Variants in NKAIN2 observed in about 807,000 individuals in gnomAD.
The protein encoded by NKAIN2 is sodium/potassium transporting ATPase interacting 2.
In NKAIN2, 14 loss-of-function variants were observed where a neutral mutation model predicts 32.6. The ratio of observed to expected loss-of-function variants is 0.43; its 90% CI spans 0.28 to 0.67. NKAIN2 has a LOEUF of 0.67. NKAIN2 is among the 30% of genes least tolerant of loss of function. The pLI is 0.17. For synonymous variants in NKAIN2, 80 were observed against 87.2 expected, an observed-to-expected ratio of 0.92 and a Z score of 0.46; for missense variants, 198 against 258.3, an observed-to-expected ratio of 0.77 and a Z score of 1.60.
intron 3 of NKAIN2, among the ~76,000 whole-genome samples, chr6:124,421,087 A>AC (rs1414106715): frequency 6.6e-6 from 1 of 151,584 alleles, no homozygotes; most frequent in Non-Finnish European, 1.5e-5. Flanking sequence ...AAAAAAAAAA[A>AC]AAAAAAACAT....
At chr6:124,714,556 G>A (rs1170985503) in intron 4 of NKAIN2, among the ~76,000 whole-genome samples, 1 of 152,154 alleles carries the variant, frequency 6.6e-6, no homozygotes, top group Non-Finnish European at 1.5e-5. Flanking sequence ...TTTGTGTGTG[G>A]CAGAGTCCTA....
chr6:124,698,662 T>C (rs1034654365), intron 4 of NKAIN2, among the ~76,000 whole-genome samples: 5 of 152,232 alleles, frequency 3.3e-5, no homozygotes, highest in Non-Finnish European at 7.3e-5. Flanking sequence ...CTGTCATTCC[T>C]ATGCCATAAT....
intron 4 of NKAIN2, among the ~76,000 whole-genome samples, chr6:124,687,777 CACACAT>C (rs908896228): frequency 2.1e-5 from 3 of 144,806 alleles, no homozygotes; most frequent in Non-Finnish European, 4.5e-5. Context: ...CACACACACA[CACACAT>C]ACTGTTCTAT....
In NKAIN2 at chr6:124,032,273, AG is replaced by A. The variant is rs1334667341; in HGVS notation, c.54+228025del. Among the ~76,000 whole-genome samples the A allele has an allele frequency of 4.3e-5, 3 of 70,514 alleles. 1 individual carries two copies. Among genetic ancestry groups the A allele is most frequent in the African/African-American group, 5.8e-5 (1 of 17,354 alleles). The allele number at this position is 70,514 out of a possible 152,430, so 46.3% of individuals were successfully genotyped here. ...CTGGGGTCTGTCGTGGGGTGGGGGG[AG>A]GGGGGAGGGATAGCATTAGGAGATA... On this transcript the variant is annotated intron_variant, in intron 1 of 6. Transcript: ENST00000368417.
At chr6:124,792,974 A>C (rs577105145) in intron 5 of NKAIN2, among the ~76,000 whole-genome samples, 4 of 152,142 alleles carry the variant, frequency 2.6e-5, no homozygotes, top group Admixed American at 6.6e-5. Context: ...AAAATACATT[A>C]GCATCATTAT....
At chr6:124,676,303 G>A (rs1773353260) in intron 4 of NKAIN2, among the ~76,000 whole-genome samples, 1 of 152,106 alleles carries the variant, frequency 6.6e-6, no homozygotes, top group African/African-American at 2.4e-5. Flanking sequence ...TTCTGCTGCT[G>A]TTGGACAGAA....
In NKAIN2 at chr6:124,081,459, T is replaced by C. The variant is rs547561195; in HGVS notation, c.55-201546T>C. On this transcript the variant is annotated intron_variant, in intron 1 of 6. Coordinates refer to ENST00000368417, the MANE Select transcript of NKAIN2 (RefSeq NM_001040214.3). ...ATTTTTACATAACATATTCTGTTTC[T>C]CCTCTTTACTAGAATTGAATGGTAT... Among the ~76,000 whole-genome samples the C allele has an allele frequency of 6.6e-5, 10 of 152,202 alleles. No homozygotes were observed. In the South Asian group the frequency reaches 1.9e-3, roughly 28 times the overall value.
At chr6:124,539,887 A>AT (rs1368546740) in intron 3 of NKAIN2, among the ~76,000 whole-genome samples, 2 of 151,874 alleles carry the variant, frequency 1.3e-5, no homozygotes, top group Non-Finnish European at 2.9e-5. Context: ...TGCCCAGCTA[A>AT]TTTTTTGTAT....
chr6:124,149,330 T>C (rs112939183), intron 1 of NKAIN2, among the ~76,000 whole-genome samples: 4 of 152,244 alleles, frequency 2.6e-5, no homozygotes, highest in African/African-American at 7.2e-5. Flanking sequence ...CATGTACTTT[T>C]AGTGCTGTAA....
intron 1 of NKAIN2, among the ~76,000 whole-genome samples, chr6:123,990,873 T>G (rs1779382789): frequency 6.6e-6 from 1 of 152,202 alleles, no homozygotes; most frequent in Non-Finnish European, 1.5e-5. Context: ...TCATATAGAT[T>G]TTTGCCACAA....
At chr6:123,850,207 T>C (rs1775273840) in intron 1 of NKAIN2, among the ~76,000 whole-genome samples, 1 of 151,706 alleles carries the variant, frequency 6.6e-6, no homozygotes, top group Non-Finnish European at 1.5e-5. Flanking sequence ...CAGAACATTC[T>C]CCTGAGCTCA....
At chr6:124,679,148 C>T (rs1773501962) in intron 4 of NKAIN2, among the ~76,000 whole-genome samples, 1 of 151,848 alleles carries the variant, frequency 6.6e-6, no homozygotes, top group South Asian at 2.1e-4. Flanking sequence ...ACAGCCCACC[C>T]CCAAAAAATA....
chr6:124,320,591 C>A (rs1368321551), intron 2 of NKAIN2, among the ~76,000 whole-genome samples: 1 of 152,138 alleles, frequency 6.6e-6, no homozygotes, highest in Non-Finnish European at 1.5e-5. Context: ...TCTTTGAAGG[C>A]AAACTGCCTA....
At chr6:124,614,436 A>G (rs1036083492) in intron 3 of NKAIN2, among the ~76,000 whole-genome samples, 4 of 151,784 alleles carry the variant, frequency 2.6e-5, no homozygotes, top group African/African-American at 4.8e-5. Context: ...TCATATCTCT[A>G]TTTTTCCTTA....
intron 3 of NKAIN2, among the ~76,000 whole-genome samples, chr6:124,513,751 C>G (rs1479562107): frequency 6.6e-6 from 1 of 152,018 alleles, no homozygotes. Context: ...AGCTGAGAAC[C>G]ATTTCTGCTT....
intron 3 of NKAIN2, among the ~76,000 whole-genome samples, chr6:124,608,730 T>C (rs1489702015): frequency 6.6e-6 from 1 of 152,154 alleles, no homozygotes; most frequent in Non-Finnish European, 1.5e-5. Flanking sequence ...ACAAATAAAA[T>C]ATTTCTGTGG....
chr6:124,197,837 G>GTTTT (rs71541243), intron 1 of NKAIN2, among the ~76,000 whole-genome samples: 1 of 94,436 alleles, frequency 1.1e-5, no homozygotes, highest in Non-Finnish European at 2.2e-5. Flanking sequence ...CCTGTGTCTG[G>GTTTT]TTTTTTTTTT....
chr6:124,747,343 T>A lies in NKAIN2; in HGVS notation c.475-43996T>A, dbSNP rs561473754. Among the ~76,000 whole-genome samples the A allele has an allele frequency of 2.6e-5, 4 of 152,028 alleles. No homozygotes were observed. In the East Asian group the frequency reaches 5.9e-4, roughly 22 times the overall value. ...TTGAGCCATTTTCAGAGCCAATTAA[T>A]CAGAAAACACTGTTTTTCCATGATT... On this transcript the variant is annotated intron_variant, in intron 4 of 6. Transcript: ENST00000368417.
chr6:124,462,735 C>CCATT (rs753649459), intron 3 of NKAIN2, among the ~76,000 whole-genome samples: 1 of 151,872 alleles, frequency 6.6e-6, no homozygotes, highest in African/African-American at 2.4e-5. Flanking sequence ...GAAAAGAACT[C>CCATT]CATTCACAAA....
Sources: allele counts gnomAD v4.1 joint callset (sites outside exome capture counted in the v4.1 genomes callset), GRCh38; gene constraint gnomAD v4.1.1; transcripts MANE v1.5; gene names NCBI Gene and HGNC (gene_info 2026-07-23, HGNC 2026-07-21).